Variants in LIMS2 observed in about 807,000 individuals in gnomAD.
LIMS2 encodes the protein LIM and senescent cell antigen-like-containing domain protein 2.
In LIMS2, 30 loss-of-function variants were observed where a neutral mutation model predicts 45.3. That is an observed-to-expected ratio of 0.66 (90% CI 0.50 to 0.90). The LOEUF is 0.90. Ranked by LOEUF, LIMS2 falls within the 40% of genes least tolerant of loss-of-function variation. LIMS2 has a pLI of 0.00. For missense variants in LIMS2, 485 were observed against 468.7 expected (o/e 1.03, Z -0.32); for synonymous variants, 173 against 188.0 (o/e 0.92, Z 0.65).
intron 2 of LIMS2, 148 bp from the exon 3 acceptor site, chr2:127,655,044 G>T: frequency 1.3e-6 from 1 of 764,934 alleles, no homozygotes; most frequent in Non-Finnish European, 2.3e-6. Context: ...TGGGTCCCAG[G>T]CCTGGCCAGA....
In LIMS2 at chr2:127,664,274, C is replaced by A; in HGVS notation, c.12-6712G>T. The A allele has an allele frequency of 8.1e-7, 1 of 1,232,380 alleles. No individual in the cohort carries two copies. Among genetic ancestry groups the A allele is most frequent in the South Asian group, 3.7e-5 (1 of 26,966 alleles). 76.3% of individuals were successfully genotyped at this position (1,232,380 alleles called of 1,614,324 possible). ...GCCGCCGCAGCTTTCCGGCCATTGT[C>A]CCCGCCACCCGCCCCGCCCCTGGCC... On this transcript the variant is annotated intron_variant, in intron 1 of 9. Transcript: ENST00000355119. The surrounding 1 kb of genome is among the most constrained non-coding windows in gnomAD (Gnocchi z 5.5).
In LIMS2 at chr2:127,642,629, C is replaced by A; in HGVS notation, c.509+294G>T. The A allele has an allele frequency of 2.2e-6, 1 of 445,380 alleles. No individual in the cohort carries two copies. Among genetic ancestry groups the A allele is most frequent in the Non-Finnish European group, 4.1e-6 (1 of 246,808 alleles). The allele number at this position is 445,380 out of a possible 1,614,324, so 27.6% of individuals were successfully genotyped here. A position where few individuals can be genotyped will look rare whatever the true frequency, so the allele number is the denominator to read the frequency against. ...TCTCTTGCCCTGCCCCCTCAGGTCC[C>A]TTCCACTGCTCCATCTCAACCCTCG... On this transcript the variant is annotated intron_variant, in intron 5 of 9. Transcript: ENST00000355119. This position sits in a 1 kb window ranked among gnomAD's most constrained non-coding sequence, Gnocchi z 5.3.
chr2:127,639,550 A>T, intron 9 of LIMS2, 122 bp from the exon 10 acceptor site: 1 of 1,230,490 alleles, frequency 8.1e-7, no homozygotes, highest in Non-Finnish European at 1.1e-6. Context: ...CCTAGCCAGC[A>T]GGCCAGGCCC....
intron 1 of LIMS2, among the ~76,000 whole-genome samples, chr2:127,666,061 T>C (rs1347518148): frequency 6.6e-6 from 1 of 152,222 alleles, no homozygotes; most frequent in Non-Finnish European, 1.5e-5. Flanking sequence ...CCACCCATTC[T>C]GCAGCCTGTC....
In LIMS2 at chr2:127,653,284, G is replaced by A. The variant is rs1683986846; in HGVS notation, c.359+1140C>T. On this transcript the variant is annotated intron_variant, in intron 4 of 9. Transcript: ENST00000355119. The surrounding 1 kb of genome is among the most constrained non-coding windows in gnomAD (Gnocchi z 5.3). The stretch of plus-strand genomic sequence containing the variant: ...AGTGTGGCAGGGGAAGCATGGCTGG[G>A]GCCTCTGGGGGTCGGCGCTGCCTCT... 6.6e-6 allele frequency among the ~76,000 whole-genome samples: 1 copy of A among 152,134 alleles called. No individual in the cohort carries two copies. The highest frequency in any genetic ancestry group is 2.4e-5 in the African/African-American group (1 of 41,410).
rs1396055005 is a variant in LIMS2, at chr2:127,654,531, AATG to A, written c.249_251del (p.Ile84del). The A allele has an allele frequency of 1.2e-5, 20 of 1,614,106 alleles. No homozygotes were observed. The highest frequency in any genetic ancestry group is 1.6e-5 in the Non-Finnish European group (19 of 1,180,006). On this transcript the variant is annotated inframe_deletion, in exon 4 of 10. Transcript: ENST00000355119. Reference sequence around the variant, plus strand: ...TGTTCATGGCCTTGATGACGCGGCCAATGATGAACTCACCTGGAAGAAGACAGG... The same window carrying A: ...TGTTCATGGCCTTGATGACGCGGCCAATGAACTCACCTGGAAGAAGACAGG...
rs777045843 is a variant in LIMS2, at chr2:127,639,351, C to G, written c.956G>C (p.Arg319Pro). ...GGTCAGCTCCGACAGCTTCTTCAGC[C>G]GCTTCTTCAGCTCCAGCGGGAACTT... ...YEKFPLELKK[R>P]LKKLSELTSR... is the part of the protein sequence containing the mutation. The change falls in exon 10 of 10, where the codon CGG becomes CCG. Residue 319 changes from arginine (R) to proline (P), a missense_variant. Physicochemically the swap from Arg to Pro is moderately radical, Grantham distance 103. Transcript: ENST00000355119. The G allele has an allele frequency of 1.2e-6, 2 of 1,613,942 alleles. No homozygotes were observed. Among genetic ancestry groups the G allele is most frequent in the South Asian group, 2.2e-5 (2 of 91,084 alleles).
upstream of LIMS2, among the ~76,000 whole-genome samples, chr2:127,675,634 C>T (rs1237096217): frequency 1.3e-5 from 2 of 148,210 alleles, no homozygotes; most frequent in East Asian, 4.0e-4. Flanking sequence ...CGCCCGGCGC[C>T]CCCTCTGCAG....
intron 4 of LIMS2, chr2:127,652,737 G>T (rs988252423): frequency 6.6e-6 from 1 of 152,398 alleles, no homozygotes; most frequent in Non-Finnish European, 1.5e-5. Flanking sequence ...CAGCCTCGTG[G>T]GCTCTCTTGC....
intron 4 of LIMS2, among the ~76,000 whole-genome samples, chr2:127,645,125 A>T (rs2244346): frequency 0.35 from 53,650 of 152,078 alleles, 10,714 homozygotes; most frequent in African/African-American, 0.55. Context: ...CTTGGGTTCA[A>T]ATCCTGGCTC....
chr2:127,658,814 A>G (rs1314755471), intron 1 of LIMS2, among the ~76,000 whole-genome samples: 2 of 152,150 alleles, frequency 1.3e-5, no homozygotes, highest in Non-Finnish European at 2.9e-5. Flanking sequence ...CCAGCTGGTA[A>G]CGTCTGCCTG....
chr2:127,649,812 C>T, intron 4 of LIMS2: 1 of 572,362 alleles, frequency 1.7e-6, no homozygotes, highest in Non-Finnish European at 3.1e-6. Context: ...AGCCACGAGG[C>T]CTCCAGGCCT....
chr2:127,644,250 C>T (rs771255465), intron 4 of LIMS2: 10 of 376,058 alleles, frequency 2.7e-5, no homozygotes, highest in South Asian at 1.9e-4. Context: ...CAGGGGGCAA[C>T]AGCTCAGGGT....
rs1337516259 is a variant in LIMS2 at position 127,640,114 on chromosome 2, C to T, written c.834G>A (p.Val278=). The change falls in exon 9 of 10, where the codon GTG becomes GTA. Residue 278 remains valine, a synonymous_variant. Transcript: ENST00000355119. ...VVSALNKAWC[V]SCFSCSTCNS... ...TGCAGGTGGAGCAGGAGAAGCAGCTCACACACCAGGCCTTGTTGAGGGCCG... is the reference window on the plus strand; with the variant it reads ...TGCAGGTGGAGCAGGAGAAGCAGCTTACACACCAGGCCTTGTTGAGGGCCG... 2 of 1,613,482 alleles carry T rather than the reference C, an allele frequency of 1.2e-6. No individual in the cohort carries two copies. Among genetic ancestry groups the T allele is most frequent in the African/African-American group, 1.3e-5 (1 of 75,058 alleles).
chr2:127,642,395 T>C lies in LIMS2; in HGVS notation c.510-196A>G. ...GACAGGCCCTGGAGCACAGACTTCC[T>C]GCACAGCCCAGAAGAGTGGGCTGTG... On this transcript the variant is annotated intron_variant, in intron 5 of 9. Coordinates refer to ENST00000355119, the MANE Select transcript of LIMS2 (RefSeq NM_001161403.3). This position sits in a 1 kb window ranked among gnomAD's most constrained non-coding sequence, Gnocchi z 5.3. 2 of 581,770 alleles carry C rather than the reference T, an allele frequency of 3.4e-6. No individual in the cohort carries two copies. The highest frequency in any genetic ancestry group is 2.9e-6 in the Non-Finnish European group (1 of 341,574). 36.0% of individuals were successfully genotyped at this position (581,770 alleles called of 1,614,324 possible).
At chr2:127,660,378 G>A (rs1311566372) in intron 1 of LIMS2, among the ~76,000 whole-genome samples, 2 of 152,190 alleles carry the variant, frequency 1.3e-5, no homozygotes, top group Admixed American at 1.3e-4. Context: ...AGCTTTTGCT[G>A]CTGCACGTTC....
intron 4 of LIMS2, chr2:127,650,033 G>A: frequency 6.2e-7 from 1 of 1,608,798 alleles, no homozygotes; most frequent in Non-Finnish European, 8.5e-7. Flanking sequence ...GAGTTGGTGG[G>A]CTGGATCCAG....
At chr2:127,679,894 C>A (rs1685580180), upstream of LIMS2, among the ~76,000 whole-genome samples, 1 of 152,164 alleles carries the variant, frequency 6.6e-6, no homozygotes, top group Non-Finnish European at 1.5e-5. This position sits in a 1 kb window ranked among gnomAD's most constrained non-coding sequence, Gnocchi z 5.3. Flanking sequence ...GGTCCTGGGG[C>A]AGGAGCTAGC....
chr2:127,679,451 G>A (rs1185407389), upstream of LIMS2, among the ~76,000 whole-genome samples: 2 of 151,882 alleles, frequency 1.3e-5, no homozygotes, highest in Non-Finnish European at 2.9e-5. This position sits in a 1 kb window ranked among gnomAD's most constrained non-coding sequence, Gnocchi z 5.3. Context: ...CTGGGGGACA[G>A]TGGGGCTCTG....
Sources: gnomAD v4.1 joint callset for allele counts (sites outside exome capture counted in the v4.1 genomes callset) on GRCh38, gnomAD v4.1.1 for gene constraint, Gnocchi (gnomAD v3.1) non-coding constraint, MANE v1.5 for transcripts, NCBI Gene and HGNC (gene_info 2026-07-23, HGNC 2026-07-21) for gene names.